CLIP1: variants seen among roughly 807,000 people sequenced by gnomAD.
The protein encoded by CLIP1 is CAP-Gly domain containing linker protein 1, also known as CAP-Gly domain-containing linker protein 1.
Under a neutral mutation model 161.6 loss-of-function variants are expected in CLIP1, and 66 were observed. The ratio of observed to expected loss-of-function variants is 0.41; its 90% confidence interval spans 0.33 to 0.50. The LOEUF is 0.50. Ranked by LOEUF, CLIP1 falls within the 20% of genes least tolerant of loss-of-function variation. The pLI is 0.27. For synonymous variants in CLIP1, 598 were observed against 626.2 expected (o/e 0.96, Z 0.67); for missense variants, 1,376 against 1,702.0 (o/e 0.81, Z 3.37).
chr12:122,295,452 T>C (rs183820747), intron 20 of CLIP1, among the ~76,000 whole-genome samples: 44 of 152,370 alleles, frequency 2.9e-4, no homozygotes, highest in African/African-American at 7.9e-4. Flanking sequence ...TGTCTAATGT[T>C]TTCTACTGTG....
intron 1 of CLIP1, among the ~76,000 whole-genome samples, chr12:122,416,175 T>C (rs924513150): frequency 2.0e-5 from 3 of 152,082 alleles, no homozygotes; most frequent in Admixed American, 1.3e-4. Flanking sequence ...AGGCAGAGGT[T>C]GCAGTGAGCC....
At chr12:122,416,093 C>T (rs1232483338) in intron 1 of CLIP1, among the ~76,000 whole-genome samples, 2 of 151,844 alleles carry the variant, frequency 1.3e-5, no homozygotes, top group Non-Finnish European at 2.9e-5. Context: ...CAAAAACTAT[C>T]TGGGCGTGGT....
chr12:122,293,002 C>CAAAAAAAAAAAAAAAAAAAAA (rs57326141), intron 20 of CLIP1, among the ~76,000 whole-genome samples: 7 of 43,576 alleles, frequency 1.6e-4, no homozygotes, highest in African/African-American at 7.9e-4. Flanking sequence ...GACTCTGTCT[C>CAAAAAAAAAAAAAAAAAAAAA]AAAAAAAAAA....
At chr12:122,360,321 C>G (rs1953710125) in intron 5 of CLIP1, among the ~76,000 whole-genome samples, 1 of 151,560 alleles carries the variant, frequency 6.6e-6, no homozygotes, top group Non-Finnish European at 1.5e-5. Context: ...GCCTGTAAAT[C>G]CCAACACTTT....
At chr12:122,382,701 T>A (rs1488154700) in intron 1 of CLIP1, among the ~76,000 whole-genome samples, 1 of 149,578 alleles carries the variant, frequency 6.7e-6, no homozygotes, top group Non-Finnish European at 1.5e-5. Context: ...TGAGACTATG[T>A]CTCAATAAAT....
chr12:122,387,865 C>A (rs893477754), intron 1 of CLIP1, among the ~76,000 whole-genome samples: 1 of 151,730 alleles, frequency 6.6e-6, no homozygotes, highest in Admixed American at 6.6e-5. Flanking sequence ...GGATTAAAGG[C>A]GTGAACCACT....
chr12:122,417,193 G>A (rs537943158), intron 1 of CLIP1, among the ~76,000 whole-genome samples: 48 of 152,212 alleles, frequency 3.2e-4, no homozygotes, highest in African/African-American at 1.1e-3. Flanking sequence ...GCTACTTGGA[G>A]GCTGAGGCAG....
chr12:122,348,018 C>T (rs1952831721), intron 9 of CLIP1, among the ~76,000 whole-genome samples: 1 of 152,168 alleles, frequency 6.6e-6, no homozygotes, highest in Non-Finnish European at 1.5e-5. Context: ...TAGCATATAA[C>T]TTGACGTAAA....
chr12:122,334,112 T>C lies in CLIP1; in HGVS notation c.2627-2A>G. The C allele has an allele frequency of 2.5e-6, 4 of 1,588,674 alleles. No homozygotes were observed. Among genetic ancestry groups the C allele is most frequent in the Non-Finnish European group, 2.6e-6 (3 of 1,157,682 alleles). ...TTTGGTGTAACTTATTTACAGTTTC[T>C]ATTTAGGATAAAAGTTAGAAGTTTA... On this transcript the variant is annotated splice_acceptor_variant, in intron 13 of 25. Transcript: ENST00000620786. LOFTEE classifies it high-confidence loss of function.
chr12:122,390,279 C>CATATATATATATATATATATATACAT (rs1955579143), intron 1 of CLIP1, among the ~76,000 whole-genome samples: 1 of 78,984 alleles, frequency 1.3e-5, no homozygotes, highest in East Asian at 5.8e-4. Flanking sequence ...TATATATATA[C>CATATATATATATATATATATATACAT]ATATATATAT....
At position 122,422,527 on chromosome 12, in the gene CLIP1, G is replaced by T; in HGVS notation, c.-113C>A. On this transcript the variant is annotated 5_prime_UTR_variant, in exon 1 of 26. Transcript: ENST00000620786. ...CGCGCCGCCCCCTGCTCACCTCCTCGGACGCCGCCGGTCGCCGCCACCTGT... is the reference window on the plus strand; with the variant it reads ...CGCGCCGCCCCCTGCTCACCTCCTCTGACGCCGCCGGTCGCCGCCACCTGT... The T allele has an allele frequency of 6.8e-6, 1 of 147,178 alleles. No individual in the cohort carries two copies. Among genetic ancestry groups the T allele is most frequent in the South Asian group, 1.8e-4 (1 of 5,432 alleles). The allele number at this position is 147,178 out of a possible 1,614,324, so 9.1% of individuals were successfully genotyped here.
chr12:122,332,128 T>C (rs1185025780), intron 15 of CLIP1, among the ~76,000 whole-genome samples: 2 of 152,008 alleles, frequency 1.3e-5, no homozygotes, highest in African/African-American at 4.8e-5. Flanking sequence ...AAACCCTGTC[T>C]CTACTAAAAA....
At chr12:122,283,198 C>T (rs1441012795) in intron 21 of CLIP1, among the ~76,000 whole-genome samples, 1 of 152,118 alleles carries the variant, frequency 6.6e-6, no homozygotes, top group Admixed American at 6.6e-5. Flanking sequence ...GAACAAACTC[C>T]CCCAGTTCTG....
chr12:122,404,060 C>T (rs1956233267), intron 1 of CLIP1, among the ~76,000 whole-genome samples: 1 of 152,154 alleles, frequency 6.6e-6, no homozygotes, highest in East Asian at 1.9e-4. Flanking sequence ...CATGAGTGAG[C>T]GGTCTACGCG....
At chr12:122,331,072 TGG>T (rs1281884030) in intron 15 of CLIP1, among the ~76,000 whole-genome samples, 2 of 151,520 alleles carry the variant, frequency 1.3e-5, no homozygotes, top group Non-Finnish European at 2.9e-5. Context: ...TGGAGTGCAA[TGG>T]CACTATCTCA....
chr12:122,401,858 G>A (rs942663022), intron 1 of CLIP1, among the ~76,000 whole-genome samples: 5 of 151,674 alleles, frequency 3.3e-5, no homozygotes, highest in African/African-American at 1.2e-4. Flanking sequence ...TTATCCAGGT[G>A]TGGTAGCACA....
chr12:122,351,055 C>G, intron 9 of CLIP1, 56 bp downstream of exon 9: 1 of 1,303,418 alleles, frequency 7.7e-7, no homozygotes. Flanking sequence ...GCATTTTAAT[C>G]TGTGATCAAT....
chr12:122,368,842 A>G (rs897928110), intron 3 of CLIP1, among the ~76,000 whole-genome samples: 1 of 151,890 alleles, frequency 6.6e-6, no homozygotes, highest in Non-Finnish European at 1.5e-5. Context: ...GAGGCGGGAA[A>G]ATCACTTCAA....
intron 11 of CLIP1, 76 bp downstream of exon 11, chr12:122,340,677 C>G (rs914785949): frequency 8.1e-7 from 1 of 1,231,230 alleles, no homozygotes; most frequent in African/African-American, 1.5e-5. Context: ...GATGAATGAT[C>G]TCAACTCAAA....
Sources: gnomAD v4.1 joint callset for allele counts (sites outside exome capture counted in the v4.1 genomes callset) on GRCh38, gnomAD v4.1.1 for gene constraint, MANE v1.5 for transcripts, NCBI Gene and HGNC (gene_info 2026-07-23, HGNC 2026-07-21) for gene names.